GPATCH1: variants seen among roughly 807,000 people sequenced by gnomAD.
GPATCH1 encodes the protein G-patch domain containing 1.
Under a neutral mutation model 114.9 loss-of-function variants are expected in GPATCH1, and 73 were observed. The observed-to-expected ratio is 0.64, with a 90% CI of 0.53 to 0.77. GPATCH1 has a LOEUF of 0.77. Ranked by LOEUF, GPATCH1 falls within the 30% of genes least tolerant of loss-of-function variation. The probability of loss-of-function intolerance (pLI) is 0.00; values close to 1 mark genes in which losing one functional copy is unlikely to be tolerated. For missense variants in GPATCH1, 1,058 were observed against 1,144.3 expected, an observed-to-expected ratio of 0.92 and a Z score of 1.09; for synonymous variants, 391 against 428.4, an observed-to-expected ratio of 0.91 and a Z score of 1.08.
intron 8 of GPATCH1, among the ~76,000 whole-genome samples, chr19:33,099,631 C>T (rs992134556): frequency 1.3e-5 from 2 of 151,794 alleles, no homozygotes; most frequent in African/African-American, 4.8e-5. Context: ...CAGAGTCTCA[C>T]TCTGTCACCC....
At chr19:33,086,645 G>T (rs529214794) in intron 1 of GPATCH1, among the ~76,000 whole-genome samples, 1 of 151,982 alleles carries the variant, frequency 6.6e-6, no homozygotes, top group East Asian at 1.9e-4. Flanking sequence ...TAGCAGAGAC[G>T]GGGTTTCACC....
chr19:33,129,904 A>G (rs1599870399), intron 19 of GPATCH1, among the ~76,000 whole-genome samples: 2 of 149,996 alleles, frequency 1.3e-5, no homozygotes, highest in African/African-American at 2.5e-5. Flanking sequence ...AGATCGCACC[A>G]CTGCGCTCCA....
chr19:33,089,081 A>C (rs1972566637), intron 2 of GPATCH1, among the ~76,000 whole-genome samples: 2 of 152,206 alleles, frequency 1.3e-5, no homozygotes, highest in African/African-American at 2.4e-5. Flanking sequence ...TTTGTAAAAA[A>C]ATGCATACCT....
intron 19 of GPATCH1, among the ~76,000 whole-genome samples, chr19:33,127,857 C>T (rs1042861958): frequency 9.2e-5 from 14 of 151,906 alleles, no homozygotes; most frequent in Admixed American, 2.0e-4. Context: ...TACAGGCACC[C>T]GCCCCCACAC....
intron 16 of GPATCH1, among the ~76,000 whole-genome samples, 197 bp from the exon 17 acceptor site, chr19:33,118,813 G>T (rs548155260): frequency 6.6e-6 from 1 of 152,188 alleles, no homozygotes; most frequent in South Asian, 2.1e-4. Flanking sequence ...AGGTGCCCTC[G>T]TGTGACTGAC....
intron 19 of GPATCH1, among the ~76,000 whole-genome samples, 172 bp from the exon 20 acceptor site, chr19:33,129,958 A>G (rs1973084477): frequency 6.6e-6 from 1 of 150,662 alleles, no homozygotes; most frequent in East Asian, 2.0e-4. Context: ...GGAAAAAAAA[A>G]AAAAAGCACA....
At chr19:33,123,916 C>T (rs888003133) in intron 17 of GPATCH1, among the ~76,000 whole-genome samples, 5 of 151,636 alleles carry the variant, frequency 3.3e-5, no homozygotes, top group East Asian at 1.9e-4. Context: ...GAGTGTAGCA[C>T]GATCTCGGCT....
intron 15 of GPATCH1, among the ~76,000 whole-genome samples, chr19:33,115,638 G>A (rs1412763339): frequency 6.6e-6 from 1 of 151,936 alleles, no homozygotes; most frequent in African/African-American, 2.4e-5. Context: ...GGGATTACAG[G>A]CAGGCACCAC....
chr19:33,090,262 G>A (rs531689818), intron 2 of GPATCH1, among the ~76,000 whole-genome samples: 3 of 152,190 alleles, frequency 2.0e-5, no homozygotes, highest in Non-Finnish European at 4.4e-5. Flanking sequence ...GGACCTGCCA[G>A]GTTGAGTCTT....
At chr19:33,118,560 A>G (rs1253415544) in intron 16 of GPATCH1, among the ~76,000 whole-genome samples, 1 of 152,160 alleles carries the variant, frequency 6.6e-6, no homozygotes, top group Non-Finnish European at 1.5e-5. Flanking sequence ...TATTAACGTG[A>G]ATATGATCAT....
At chr19:33,112,928 G>T in intron 13 of GPATCH1, 1 of 197,620 alleles carries the variant, frequency 5.1e-6, no homozygotes, top group Non-Finnish European at 1.0e-5. Flanking sequence ...CATTTATAAT[G>T]TTACTTATGT....
intron 17 of GPATCH1, among the ~76,000 whole-genome samples, chr19:33,120,900 G>A (rs1429879044): frequency 6.6e-6 from 1 of 151,672 alleles, no homozygotes; most frequent in African/African-American, 2.4e-5. Context: ...TGAGGCAGAA[G>A]AAGGGCGTGA....
At position 33,111,212 on chromosome 19, in the gene GPATCH1, G is replaced by A. The variant is rs572004327; in HGVS notation, c.1586-512G>A. 3.3e-5 allele frequency among the ~76,000 whole-genome samples: 5 copies of A among 150,914 alleles called. No individual in the cohort carries two copies. The South Asian group carries it at 6.2e-4, about 19-fold the overall frequency. ...CACGCCTGGTAATTTTTTGTTTCCC[G>A]TCTCTACTAAAAATACAAAAAATTA... On this transcript the variant is annotated intron_variant, in intron 11 of 19. Transcript: ENST00000170564.
At chr19:33,088,045 G>C in intron 1 of GPATCH1, 89 bp from the exon 2 acceptor site, 1 of 685,444 alleles carries the variant, frequency 1.5e-6, no homozygotes, top group Non-Finnish European at 2.3e-6. Flanking sequence ...AACAATTTAT[G>C]ATATTTAAAA....
At chr19:33,089,022 G>A (rs969180241) in intron 2 of GPATCH1, among the ~76,000 whole-genome samples, 16 of 152,150 alleles carry the variant, frequency 1.1e-4, no homozygotes, top group African/African-American at 3.6e-4. Context: ...GAGTCAACTT[G>A]TATCTTGTTC....
chr19:33,100,819 A>T (rs1972717827), intron 8 of GPATCH1, among the ~76,000 whole-genome samples: 1 of 151,772 alleles, frequency 6.6e-6, no homozygotes, highest in Admixed American at 6.6e-5. Context: ...AGTGCAGAGA[A>T]TACAGTTCAT....
intron 17 of GPATCH1, among the ~76,000 whole-genome samples, chr19:33,120,567 AG>A (rs1194907273): frequency 7.3e-6 from 1 of 136,982 alleles, no homozygotes; most frequent in Non-Finnish European, 1.6e-5. Flanking sequence ...AAAAAAAAAA[AG>A]GTAAAAGAGG....
At chr19:33,098,583 G>A (rs1194091290) in intron 8 of GPATCH1, among the ~76,000 whole-genome samples, 1 of 152,108 alleles carries the variant, frequency 6.6e-6, no homozygotes, top group African/African-American at 2.4e-5. Flanking sequence ...GCTCTCCATT[G>A]CCCAGCTTTG....
intron 18 of GPATCH1, among the ~76,000 whole-genome samples, chr19:33,125,627 C>G (rs1034614507): frequency 6.6e-6 from 1 of 152,020 alleles, no homozygotes; most frequent in African/African-American, 2.4e-5. Flanking sequence ...CTCCGGTGAT[C>G]TACCTCCCAA....
Sources: allele counts gnomAD v4.1 joint callset (sites outside exome capture counted in the v4.1 genomes callset), GRCh38; gene constraint gnomAD v4.1.1; transcripts MANE v1.5; gene names NCBI Gene and HGNC (gene_info 2026-07-23, HGNC 2026-07-21).